Variants in PRIM2 observed in about 807,000 individuals in gnomAD.
PRIM2 encodes DNA primase subunit 2.
PRIM2 carries 39 observed loss-of-function variants against 67.3 expected under a neutral mutation model. That is an observed-to-expected ratio of 0.58 (90% CI 0.45 to 0.76). The LOEUF (loss-of-function observed/expected upper bound fraction) is 0.76, where lower values mean the gene tolerates loss of function less well. Among genes scored for constraint, PRIM2 ranks in the 30% least tolerant of loss-of-function variants. The pLI, the probability that PRIM2 is intolerant of heterozygous loss-of-function variation, is 0.00. For synonymous variants in PRIM2, 143 were observed against 198.7 expected (o/e 0.72, Z 2.36); for missense variants, 398 against 598.7 (o/e 0.66, Z 3.50).
the PRIM2 span, among the ~76,000 whole-genome samples, chr6:57,226,228 C>G: frequency 0.11 from 17,087 of 152,190 alleles, 1,056 homozygotes; most frequent in Middle Eastern, 0.24. Context: ...ATTACATACC[C>G]TTAGACATTA....
chr6:57,411,455 T>C (rs1771085720), intron 7 of PRIM2, among the ~76,000 whole-genome samples: 1 of 151,098 alleles, frequency 6.6e-6, no homozygotes, highest in Non-Finnish European at 1.5e-5. Context: ...AATGTGGTGG[T>C]GCAGGCCAGT....
At chr6:57,430,065 A>G (rs1195910666) in intron 7 of PRIM2, among the ~76,000 whole-genome samples, 2 of 152,194 alleles carry the variant, frequency 1.3e-5, no homozygotes, top group African/African-American at 4.8e-5. Context: ...GATGGGGGAT[A>G]AAGGGCATTT....
intron 7 of PRIM2, among the ~76,000 whole-genome samples, chr6:57,410,030 A>G (rs1166445269): frequency 6.6e-6 from 1 of 152,068 alleles, no homozygotes; most frequent in African/African-American, 2.4e-5. Flanking sequence ...TATTAGTAGA[A>G]AAGACTGGGC....
chr6:57,557,320 A>T, intron 10 of PRIM2, among the ~76,000 whole-genome samples: 1 of 151,820 alleles, frequency 6.6e-6, no homozygotes, highest in Non-Finnish European at 1.5e-5. Context: ...ATGCACGCGA[A>T]TGTTCATTGC....
intron 7 of PRIM2, among the ~76,000 whole-genome samples, chr6:57,495,795 G>T (rs1458476654): frequency 6.6e-6 from 1 of 152,138 alleles, no homozygotes. Context: ...CTAGGCTGGA[G>T]TGTAGTGGTA....
chr6:57,324,498 C>T (rs1164502151), intron 4 of PRIM2, among the ~76,000 whole-genome samples: 4 of 152,100 alleles, frequency 2.6e-5, no homozygotes, highest in African/African-American at 9.7e-5. Flanking sequence ...CCTGATGAAA[C>T]ACTTCTTAAG....
intron 10 of PRIM2, among the ~76,000 whole-genome samples, chr6:57,593,247 G>A (rs1297805672): frequency 2.0e-5 from 3 of 151,998 alleles, no homozygotes; most frequent in Non-Finnish European, 2.9e-5. Flanking sequence ...CTGAATGAAT[G>A]GAGTGGGAGG....
chr6:57,631,515 G>C (rs1216043172), intron 12 of PRIM2, among the ~76,000 whole-genome samples: 2 of 152,134 alleles, frequency 1.3e-5, no homozygotes, highest in African/African-American at 4.8e-5. Flanking sequence ...GTTCCTAACA[G>C]GTGTTCAGAA....
intron 13 of PRIM2, among the ~76,000 whole-genome samples, chr6:57,639,627 AG>A (rs1777190505): frequency 4.1e-5 from 1 of 24,236 alleles, no homozygotes; most frequent in Non-Finnish European, 8.2e-5. Context: ...TAAACTAGAA[AG>A]TTTAGAAGAA....
At chr6:57,338,712 A>G (rs1232052271) in intron 5 of PRIM2, among the ~76,000 whole-genome samples, 4 of 141,846 alleles carry the variant, frequency 2.8e-5, no homozygotes, top group South Asian at 4.9e-4. Flanking sequence ...TTTCAAAATA[A>G]TAAGAGCTAT....
At chr6:57,619,862 A>G (rs1776820672) in intron 12 of PRIM2, among the ~76,000 whole-genome samples, 1 of 152,202 alleles carries the variant, frequency 6.6e-6, no homozygotes, top group African/African-American at 2.4e-5. Context: ...ATAATGGAGG[A>G]AAACTTCCCC....
intron 7 of PRIM2, among the ~76,000 whole-genome samples, chr6:57,480,205 C>A (rs1453749129): frequency 6.6e-6 from 1 of 152,164 alleles, no homozygotes; most frequent in Non-Finnish European, 1.5e-5. Flanking sequence ...AGTCTGAGTA[C>A]ATTTCTATTT....
chr6:57,542,977 C>T (rs1247790147), intron 10 of PRIM2, among the ~76,000 whole-genome samples: 4 of 68,674 alleles, frequency 5.8e-5, no homozygotes, highest in Non-Finnish European at 8.4e-5. Context: ...GTCTCGCTGT[C>T]GCCCAGGCTG....
chr6:57,567,853 C>A (rs1364990695), intron 10 of PRIM2, among the ~76,000 whole-genome samples: 1 of 152,100 alleles, frequency 6.6e-6, no homozygotes, highest in African/African-American at 2.4e-5. Context: ...CAAGCAAAAT[C>A]ATATTTTTCC....
At chr6:57,556,656 A>T (rs1775519207) in intron 10 of PRIM2, among the ~76,000 whole-genome samples, 1 of 152,346 alleles carries the variant, frequency 6.6e-6, no homozygotes, top group South Asian at 2.1e-4. Context: ...TAAAGACTTA[A>T]ATGTTAAACC....
intron 7 of PRIM2, among the ~76,000 whole-genome samples, chr6:57,401,132 G>T (rs997475651): frequency 1.3e-5 from 2 of 152,158 alleles, no homozygotes; most frequent in African/African-American, 4.8e-5. Flanking sequence ...GACAACTCTT[G>T]TTGGAGGGCT....
rs1231609064 is a variant in PRIM2, at chr6:57,537,524, A to G, written c.919A>G (p.Met307Val). ...ENHHLRHGGRMQYGLFLKGIG... is the reference protein window; with the variant it reads ...ENHHLRHGGRVQYGLFLKGIG... ...TCACCATCTTCGTCATGGAGGCCGAATGCAGTATGGCCTATTTCTGAAGGG... is the reference window on the plus strand; with the variant it reads ...TCACCATCTTCGTCATGGAGGCCGAGTGCAGTATGGCCTATTTCTGAAGGG... Residue 307 changes from methionine (M) to valine (V), a missense_variant, in exon 10 of 14, where the codon ATG becomes GTG. Met to Val is a conservative substitution (Grantham distance 21). This residue lies in a region of PRIM2 where 229 missense variants were observed against 383.6 expected (regional missense o/e 0.60). Transcript: ENST00000615550. 4.4e-6 allele frequency: 7 copies of G among 1,585,708 alleles called. No homozygotes were observed. The African/African-American group carries it at 6.7e-5, about 15-fold the overall frequency.
intron 7 of PRIM2, among the ~76,000 whole-genome samples, chr6:57,427,247 G>A (rs1581894165): frequency 6.6e-6 from 1 of 152,134 alleles, no homozygotes; most frequent in African/African-American, 2.4e-5. Context: ...TTTGGGAATG[G>A]CTTTGTTAAA....
rs71299586 is a variant in PRIM2, at chr6:57,386,417, CAAA to C, written c.693+4269_693+4271del. On this transcript the variant is annotated intron_variant, in intron 7 of 13. Coordinates refer to ENST00000615550, the MANE Select transcript of PRIM2 (RefSeq NM_000947.5). ...TGGGCGACAGAGTGATACCCTGTCT[CAAA>C]AAAAAAAAAAAAAAAAAAAGAACGA... Among the ~76,000 whole-genome samples, 11 of 53,968 alleles carry C rather than the reference CAAA, an allele frequency of 2.0e-4. No individual in the cohort carries two copies. The East Asian group carries it at 2.1e-3, about 10-fold the overall frequency. 35.4% of individuals were successfully genotyped at this position (53,968 alleles called of 152,430 possible).
Sources: gnomAD v4.1 joint callset for allele counts (sites outside exome capture counted in the v4.1 genomes callset) on GRCh38, gnomAD v4.1.1 for gene constraint, gnomAD v4.1.1 regional missense constraint, MANE v1.5 for transcripts, NCBI Gene and HGNC (gene_info 2026-07-23, HGNC 2026-07-21) for gene names.